Variants in ABCC4 observed in about 807,000 individuals in gnomAD.
The protein encoded by ABCC4 is ATP-binding cassette sub-family C member 4.
Under a neutral mutation model 168.5 loss-of-function variants are expected in ABCC4, and 102 were observed. That is an observed-to-expected ratio of 0.61 (90% confidence interval 0.52 to 0.71). The LOEUF (loss-of-function observed/expected upper bound fraction) is 0.71, where lower values mean the gene tolerates loss of function less well. ABCC4 is among the 30% of genes least tolerant of loss of function. The pLI is 0.00. For missense variants in ABCC4, 1,402 were observed against 1,605.8 expected (o/e 0.87, Z 2.17); for synonymous variants, 617 against 590.7 (o/e 1.04, Z -0.65).
At chr13:95,109,246 C>G (rs948135634) in intron 20 of ABCC4, among the ~76,000 whole-genome samples, 1 of 152,170 alleles carries the variant, frequency 6.6e-6, no homozygotes, top group Non-Finnish European at 1.5e-5. Flanking sequence ...TATATGATCC[C>G]TTCTTTTTAC....
chr13:95,146,634 G>A (rs561583837), intron 19 of ABCC4, among the ~76,000 whole-genome samples: 17 of 152,192 alleles, frequency 1.1e-4, no homozygotes, highest in Non-Finnish European at 2.5e-4. Flanking sequence ...ACAATAACAA[G>A]AGTATTGGGC....
At chr13:95,209,915 C>G (rs539309008) in intron 5 of ABCC4, among the ~76,000 whole-genome samples, 1 of 152,328 alleles carries the variant, frequency 6.6e-6, no homozygotes, top group Non-Finnish European at 1.5e-5. Context: ...TCCCATATGC[C>G]CTGGGGCTCC....
intron 25 of ABCC4, among the ~76,000 whole-genome samples, chr13:95,067,631 C>T (rs2033592860): frequency 6.6e-6 from 1 of 152,010 alleles, no homozygotes; most frequent in Non-Finnish European, 1.5e-5. Flanking sequence ...ATCCCAGCCC[C>T]TGAGATGAGC....
At position 95,062,838 on chromosome 13, in the gene ABCC4, C is replaced by T. The variant is rs370141907; in HGVS notation, c.3232G>A (p.Gly1078Arg). ...GAGATGAGGGAACTTTTTCCAGCTC[C>T]GGTTCTTCCCACAATGCCAACCTAC... is the stretch of plus-strand genomic sequence containing the variant. ...QEKVGIVGRT[G>R]AGKSSLISAL... Residue 1078 changes from glycine to arginine, a missense_variant, in exon 26 of 31, where the codon GGA (glycine) becomes AGA (arginine). By Grantham distance (125) the Gly-to-Arg change is moderately radical. Coordinates refer to ENST00000645237, the MANE Select transcript of ABCC4 (RefSeq NM_005845.5). 10 of 1,612,762 alleles carry T rather than the reference C, an allele frequency of 6.2e-6. No individual in the cohort carries two copies. Among genetic ancestry groups the T allele is most frequent in the Admixed American group, 1.7e-5 (1 of 59,860 alleles).
intron 20 of ABCC4, among the ~76,000 whole-genome samples, chr13:95,099,280 C>A (rs772320691): frequency 6.6e-6 from 1 of 152,070 alleles, no homozygotes; most frequent in Non-Finnish European, 1.5e-5. Context: ...TCCATTTATA[C>A]GTAGTTCAAG....
chr13:95,038,845 C>T (rs2032238955), intron 29 of ABCC4, among the ~76,000 whole-genome samples: 1 of 152,140 alleles, frequency 6.6e-6, no homozygotes. Context: ...AAGAGTCTAG[C>T]TGGCCCTGGA....
chr13:95,086,087 T>TGTGTGTG (rs1555309911), intron 20 of ABCC4, among the ~76,000 whole-genome samples: 1 of 141,988 alleles, frequency 7.0e-6, no homozygotes, highest in African/African-American at 2.6e-5. Flanking sequence ...TTTAAGGTTA[T>TGTGTGTG]TGTGTGTGTG....
At chr13:95,195,518 G>C (rs1020199726) in intron 8 of ABCC4, among the ~76,000 whole-genome samples, 3 of 152,116 alleles carry the variant, frequency 2.0e-5, no homozygotes, top group African/African-American at 7.2e-5. Context: ...ACGTCAAATT[G>C]ACATACAACT....
chr13:95,112,268 G>A lies in ABCC4; in HGVS notation c.2535+3654C>T, dbSNP rs185399448. ...CTCAGGAGGCTGAGGCATGAAAATC[G>A]TTTGAACCTGGGGGGCAAAGGTTGC... On this transcript the variant is annotated intron_variant, in intron 20 of 30. Transcript: ENST00000645237. Among the ~76,000 whole-genome samples, 124 of 151,694 alleles carry A rather than the reference G, an allele frequency of 8.2e-4. 2 individuals carry two copies. The highest frequency in any genetic ancestry group is 3.4e-3 in the Middle Eastern group (1 of 292).
At chr13:95,035,841 G>C (rs1235340287) in intron 29 of ABCC4, among the ~76,000 whole-genome samples, 6 of 152,256 alleles carry the variant, frequency 3.9e-5, no homozygotes, top group Admixed American at 2.6e-4. Context: ...TTTATCTTAA[G>C]AGAATATGCT....
chr13:95,077,679 G>C (rs997686007), intron 21 of ABCC4, among the ~76,000 whole-genome samples: 1 of 138,680 alleles, frequency 7.2e-6, no homozygotes, highest in African/African-American at 2.7e-5. Flanking sequence ...TTTATAAAAT[G>C]ATGAGGGGGT....
intron 20 of ABCC4, among the ~76,000 whole-genome samples, chr13:95,088,978 A>G (rs1409834593): frequency 2.0e-5 from 3 of 152,108 alleles, no homozygotes; most frequent in Non-Finnish European, 2.9e-5. Flanking sequence ...AAAAGAGAGG[A>G]AAATTATCAT....
chr13:95,192,663 A>G (rs1000595600), intron 9 of ABCC4, among the ~76,000 whole-genome samples: 1 of 152,158 alleles, frequency 6.6e-6, no homozygotes, highest in Non-Finnish European at 1.5e-5. Flanking sequence ...CATGCCTGCA[A>G]TCCCAGCACT....
chr13:95,138,753 G>A (rs996955068), intron 19 of ABCC4, among the ~76,000 whole-genome samples: 10 of 152,244 alleles, frequency 6.6e-5, no homozygotes, highest in African/African-American at 1.7e-4. Flanking sequence ...GAAAGGTGAC[G>A]TTATCAGGCA....
At chr13:95,121,431 GTT>G (rs567192252) in intron 19 of ABCC4, among the ~76,000 whole-genome samples, 1 of 138,510 alleles carries the variant, frequency 7.2e-6, no homozygotes, top group Non-Finnish European at 1.6e-5. Flanking sequence ...GTTTTTTTTT[GTT>G]TTTTTTTTTT....
At chr13:95,200,984 G>C (rs912640378) in intron 8 of ABCC4, among the ~76,000 whole-genome samples, 3 of 152,076 alleles carry the variant, frequency 2.0e-5, no homozygotes, top group Non-Finnish European at 4.4e-5. Context: ...TACCATACGA[G>C]CGCCAACGCT....
chr13:95,105,917 C>T (rs115857298), intron 20 of ABCC4, among the ~76,000 whole-genome samples: 1 of 152,314 alleles, frequency 6.6e-6, no homozygotes, highest in African/African-American at 2.4e-5. Flanking sequence ...TTTCAGGAAG[C>T]AACCAGGCAC....
rs370480931 is a variant in ABCC4 at position 95,174,128 on chromosome 13, G to C, written c.1728-3500C>G. Among the ~76,000 whole-genome samples, 12 of 152,220 alleles carry C rather than the reference G, an allele frequency of 7.9e-5. No homozygotes were observed. In the East Asian group the frequency reaches 1.3e-3, roughly 17 times the overall value. On this transcript the variant is annotated intron_variant, in intron 13 of 30. Coordinates refer to ENST00000645237, the MANE Select transcript of ABCC4 (RefSeq NM_005845.5). ...GGGTCTGAGAATTTGAGGCTTTCTA[G>C]AACACAACCACATCTATAGCAGGCA...
chr13:95,173,638 G>A (rs1376012362), intron 13 of ABCC4, among the ~76,000 whole-genome samples: 1 of 152,196 alleles, frequency 6.6e-6, no homozygotes, highest in East Asian at 1.9e-4. Context: ...ACTGCAAAGG[G>A]CAATTTGCCA....
Sources: gnomAD v4.1 joint callset for allele counts (sites outside exome capture counted in the v4.1 genomes callset) on GRCh38, gnomAD v4.1.1 for gene constraint, MANE v1.5 for transcripts, NCBI Gene and HGNC (gene_info 2026-07-23, HGNC 2026-07-21) for gene names.